The following CFAP251 variants were observed in gnomAD, a reference collection of about 807,000 sequenced individuals.
CFAP251 encodes the protein cilia- and flagella-associated protein 251.
In CFAP251, 93 loss-of-function variants were observed where a neutral mutation model predicts 126.7. The ratio of observed to expected loss-of-function variants is 0.73; its 90% CI spans 0.62 to 0.87. The LOEUF is 0.87. Among genes scored for constraint, CFAP251 ranks in the 40% least tolerant of loss-of-function variants. The pLI, the probability that CFAP251 is intolerant of heterozygous loss-of-function variation, is 0.00. For missense variants in CFAP251, 1,287 were observed against 1,389.2 expected (o/e 0.93, Z 1.17); for synonymous variants, 503 against 506.9 (o/e 0.99, Z 0.10).
intron 12 of CFAP251, 119 bp from the exon 13 acceptor site, chr12:121,958,824 C>T (rs548616210): frequency 2.5e-5 from 31 of 1,259,714 alleles, no homozygotes; most frequent in East Asian, 2.4e-4. Flanking sequence ...TTTCTCCGCA[C>T]GGGAGCTTTG....
chr12:121,925,257 C>T (rs1205363453), intron 3 of CFAP251, among the ~76,000 whole-genome samples: 1 of 152,074 alleles, frequency 6.6e-6, no homozygotes, highest in Non-Finnish European at 1.5e-5. Context: ...GCACCATCTG[C>T]GAGGAGTAAA....
intron 19 of CFAP251, among the ~76,000 whole-genome samples, chr12:121,979,491 C>T (rs962114099): frequency 8.6e-5 from 13 of 151,216 alleles, no homozygotes; most frequent in South Asian, 2.1e-4. Context: ...GTGCTCACTG[C>T]GGAGCCGCCG....
intron 5 of CFAP251, among the ~76,000 whole-genome samples, chr12:121,938,150 A>G (rs1880962917): frequency 2.0e-5 from 3 of 150,780 alleles, no homozygotes; most frequent in South Asian, 2.1e-4. Flanking sequence ...GACCATGGAT[A>G]CATGCCACTG....
At chr12:121,969,306 C>T in intron 17 of CFAP251, 1 of 985,390 alleles carries the variant, frequency 1.0e-6, no homozygotes, top group Non-Finnish European at 1.2e-6. Context: ...TGACTTCCAC[C>T]CCACCTTCAC....
intron 5 of CFAP251, 132 bp downstream of exon 5, chr12:121,934,488 A>G: frequency 1.5e-6 from 1 of 649,088 alleles, no homozygotes; most frequent in Non-Finnish European, 2.6e-6. Flanking sequence ...AGACTGGCTT[A>G]TGCTGACTCA....
At chr12:121,955,235 A>C (rs1296782977) in intron 10 of CFAP251, among the ~76,000 whole-genome samples, 3 of 152,228 alleles carry the variant, frequency 2.0e-5, no homozygotes, top group Non-Finnish European at 4.4e-5. Flanking sequence ...CAGAGGTTGC[A>C]GTGAGCCAAG....
At chr12:122,001,731 G>T in intron 21 of CFAP251, 133 bp downstream of exon 21, 1 of 717,974 alleles carries the variant, frequency 1.4e-6, no homozygotes. Flanking sequence ...TGTCTGTTGG[G>T]AATCCCACAT....
intron 1 of CFAP251, among the ~76,000 whole-genome samples, chr12:121,919,433 A>G (rs139720995): frequency 6.6e-6 from 1 of 152,298 alleles, no homozygotes; most frequent in East Asian, 1.9e-4. Flanking sequence ...ATTTCTTTGC[A>G]CATTAGGGTT....
At chr12:121,984,510 G>A (rs1011378319) in intron 19 of CFAP251, among the ~76,000 whole-genome samples, 2 of 152,110 alleles carry the variant, frequency 1.3e-5, no homozygotes, top group African/African-American at 4.8e-5. Flanking sequence ...GTTTCACGGT[G>A]TTAGCCAGGA....
intron 12 of CFAP251, 115 bp downstream of exon 12, chr12:121,958,637 C>T: frequency 6.7e-7 from 1 of 1,489,288 alleles, no homozygotes; most frequent in Non-Finnish European, 9.1e-7. Flanking sequence ...CCCCAGCAGG[C>T]TGGATGAGGC....
intron 5 of CFAP251, among the ~76,000 whole-genome samples, chr12:121,935,338 T>G (rs1880849850): frequency 6.6e-6 from 1 of 152,232 alleles, no homozygotes; most frequent in Non-Finnish European, 1.5e-5. Context: ...AAGATAGTAC[T>G]GAGGATTCCC....
At chr12:121,954,659 A>AAC (rs1881661358) in intron 10 of CFAP251, among the ~76,000 whole-genome samples, 1 of 145,858 alleles carries the variant, frequency 6.9e-6, no homozygotes, top group Non-Finnish European at 1.5e-5. Context: ...AAAAAAAAAA[A>AAC]AAAAAAAAAC....
chr12:121,977,118 T>C (rs1882479993), intron 19 of CFAP251, among the ~76,000 whole-genome samples: 1 of 152,198 alleles, frequency 6.6e-6, no homozygotes, highest in South Asian at 2.1e-4. Context: ...TGGCAGAGCC[T>C]ACTACACGCC....
chr12:121,947,784 C>T (rs1375655), intron 7 of CFAP251: 94,452 of 152,028 alleles, frequency 0.62, 31,961 homozygotes, highest in Non-Finnish European at 0.77. Flanking sequence ...GATTTTCAGG[C>T]TTTGTGAAGT....
chr12:121,959,269 G>T (rs891498575), intron 13 of CFAP251, 175 bp downstream of exon 13: 1 of 620,794 alleles, frequency 1.6e-6, no homozygotes, highest in Non-Finnish European at 2.6e-6. Context: ...GGACCCCACT[G>T]CTACAAAAAC....
At chr12:121,958,667 C>T (rs7300379) in intron 12 of CFAP251, 145 bp downstream of exon 12, 123,580 of 1,347,708 alleles carry the variant, frequency 0.092, 16,661 homozygotes, top group African/African-American at 0.54. Context: ...CTGGGGCTCC[C>T]GTGGTGTTCT....
chr12:121,992,092 A>G (rs1433036677), intron 19 of CFAP251: 48 of 465,602 alleles, frequency 1.0e-4, no homozygotes, highest in Non-Finnish European at 1.3e-4. Flanking sequence ...CAGGCGTGAG[A>G]ATGCCAATCA....
chr12:122,001,786 C>T (rs756745992), intron 21 of CFAP251, 188 bp downstream of exon 21: 51 of 607,500 alleles, frequency 8.4e-5, no homozygotes, highest in Middle Eastern at 4.4e-4. Flanking sequence ...TTTGTTCCCG[C>T]GCTCTGTCCG....
chr12:121,997,711 T>G (rs1883051295), intron 19 of CFAP251: 1 of 152,018 alleles, frequency 6.6e-6, no homozygotes. Flanking sequence ...TTATTATAAT[T>G]ATTGTGCTGT....
Sources: allele counts gnomAD v4.1 joint callset (sites outside exome capture counted in the v4.1 genomes callset), GRCh38; gene constraint gnomAD v4.1.1; transcripts MANE v1.5; gene names NCBI Gene and HGNC (gene_info 2026-07-23, HGNC 2026-07-21).